The following DOCK7 variants were observed in gnomAD, a reference collection of about 807,000 sequenced individuals.
DOCK7 encodes the protein dedicator of cytokinesis 7.
DOCK7 carries 138 observed loss-of-function variants against 271.0 expected under a neutral mutation model. The ratio of observed to expected loss-of-function variants is 0.51; its 90% CI spans 0.44 to 0.59. The LOEUF (loss-of-function observed/expected upper bound fraction) is 0.59. DOCK7 is among the 20% of genes least tolerant of loss of function. DOCK7 has a pLI of 0.00. For missense variants in DOCK7, 2,066 were observed against 2,592.4 expected (o/e 0.80, Z 4.41); for synonymous variants, 823 against 876.1 (o/e 0.94, Z 1.07).
rs561979382 is a variant in DOCK7, at chr1:62,474,822, A to G, written c.6105+386T>C. On this transcript the variant is annotated intron_variant, in intron 47 of 49. Transcript: ENST00000635253. ...CTAATCTGCATATGACAAAAGAACA[A>G]TAATTTCTTGTGTCAATATATTTTT... is the stretch of plus-strand genomic sequence containing the variant. 2.6e-5 allele frequency among the ~76,000 whole-genome samples: 4 copies of G among 152,326 alleles called. No homozygotes were observed. In the East Asian group the frequency reaches 5.8e-4, roughly 22 times the overall value.
chr1:62,627,501 G>A (rs1007291553), intron 11 of DOCK7: 2 of 151,974 alleles, frequency 1.3e-5, no homozygotes, highest in East Asian at 1.9e-4. Flanking sequence ...GGAAAAAAAC[G>A]AACAATAACA....
At chr1:62,620,052 G>T in intron 12 of DOCK7, 59 bp from the exon 13 acceptor site, 1 of 1,381,080 alleles carries the variant, frequency 7.2e-7, no homozygotes, top group Non-Finnish European at 1.0e-6. Flanking sequence ...AGGCACAGTG[G>T]CTCACGCCTG....
intron 43 of DOCK7, chr1:62,486,684 C>G (rs907573948): frequency 6.6e-6 from 1 of 151,998 alleles, no homozygotes; most frequent in Non-Finnish European, 1.5e-5. Context: ...TGTCAGAATA[C>G]GAGGTCAAAT....
intron 48 of DOCK7, chr1:62,458,465 C>T (rs1645414841): frequency 1.3e-5 from 2 of 151,772 alleles, no homozygotes; most frequent in South Asian, 4.2e-4. Context: ...TGTAATCATG[C>T]TCATTTATGT....
intron 34 of DOCK7, among the ~76,000 whole-genome samples, chr1:62,508,644 T>C (rs1321474932): frequency 6.6e-6 from 1 of 152,194 alleles, no homozygotes; most frequent in Non-Finnish European, 1.5e-5. Flanking sequence ...AGCTTGCCTG[T>C]GGTAATCATT....
chr1:62,541,106 TTC>T (rs1236953573), intron 25 of DOCK7, among the ~76,000 whole-genome samples: 1 of 152,196 alleles, frequency 6.6e-6, no homozygotes, highest in African/African-American at 2.4e-5. Flanking sequence ...TTTTACATAC[TTC>T]TTTTTTGGAA....
At chr1:62,555,767 T>C (rs1450629217) in intron 21 of DOCK7, 58 bp downstream of exon 21, 2 of 1,547,596 alleles carry the variant, frequency 1.3e-6, no homozygotes, top group East Asian at 2.3e-5. Context: ...ATTATCTCAA[T>C]ACTGACATGA....
At chr1:62,634,971 G>T in intron 8 of DOCK7, 49 bp from the exon 9 acceptor site, 1 of 1,296,994 alleles carries the variant, frequency 7.7e-7, no homozygotes, top group Non-Finnish European at 1.1e-6. Flanking sequence ...ATTTTACAGT[G>T]TCTATTTCTT....
chr1:62,653,841 G>C (rs1387045305), intron 3 of DOCK7, 48 bp from the exon 4 acceptor site: 2 of 1,455,172 alleles, frequency 1.4e-6, no homozygotes, highest in African/African-American at 2.8e-5. Flanking sequence ...GGACAGCACT[G>C]ATGTTCATTA....
At chr1:62,592,011 T>C (rs1037414276) in intron 14 of DOCK7, among the ~76,000 whole-genome samples, 3 of 152,202 alleles carry the variant, frequency 2.0e-5, no homozygotes, top group Non-Finnish European at 4.4e-5. Flanking sequence ...TTAACACTTC[T>C]AGGAGTTTAG....
chr1:62,503,332 A>C (rs1337876405), intron 37 of DOCK7, among the ~76,000 whole-genome samples: 3 of 152,150 alleles, frequency 2.0e-5, no homozygotes, highest in African/African-American at 7.2e-5. Flanking sequence ...ACTCATAAAA[A>C]TGGATTATAT....
chr1:62,624,772 G>A (rs995704083), intron 12 of DOCK7, among the ~76,000 whole-genome samples: 2 of 152,050 alleles, frequency 1.3e-5, no homozygotes, highest in Non-Finnish European at 2.9e-5. Flanking sequence ...TCAGGAGTTC[G>A]AGACCAGCCT....
At chr1:62,549,570 A>T (rs1336549985) in intron 22 of DOCK7, among the ~76,000 whole-genome samples, 1 of 152,176 alleles carries the variant, frequency 6.6e-6, no homozygotes, top group Non-Finnish European at 1.5e-5. Context: ...TATTTTGATA[A>T]AGATGTATCA....
chr1:62,667,559 A>G (rs920864985), intron 1 of DOCK7, among the ~76,000 whole-genome samples: 3 of 152,212 alleles, frequency 2.0e-5, no homozygotes, highest in South Asian at 4.1e-4. Flanking sequence ...TACTAAAAAT[A>G]CAAAAATTAG....
intron 31 of DOCK7, among the ~76,000 whole-genome samples, chr1:62,518,356 G>A (rs983117731): frequency 1.2e-4 from 18 of 152,160 alleles, no homozygotes; most frequent in African/African-American, 4.1e-4. Context: ...TGGATCACGA[G>A]GTCAGGAGAT....
Position 62,513,195 on chromosome 1 carries a change from AGTTTTCTAGAGAGGACTTTCTAGAGAAC to A in DOCK7, c.4282+221_4282+248del, listed in dbSNP as rs1197531074. Among the ~76,000 whole-genome samples, 27 of 135,716 alleles carry A rather than the reference AGTTTTCTAGAGAGGACTTTCTAGAGAAC, an allele frequency of 2.0e-4. No individual in the cohort carries two copies. The South Asian group carries it at 5.3e-3, about 26-fold the overall frequency. The allele number at this position is 135,716 out of a possible 152,430, so 89.0% of individuals were successfully genotyped here. A position where few individuals can be genotyped will look rare whatever the true frequency, so the allele number is the denominator to read the frequency against. Reference sequence around the variant, plus strand: ...AATCACATAAGGACTTTCTAGAGAAAGTTTTCTAGAGAGGACTTTCTAGAGAACGTTTTCTAGAGAAGACTTTCTAGAG... The same window carrying A: ...AATCACATAAGGACTTTCTAGAGAAAGTTTTCTAGAGAAGACTTTCTAGAG... On this transcript the variant is annotated intron_variant, in intron 33 of 49. Transcript: ENST00000635253.
In DOCK7 at chr1:62,505,777, C is replaced by T. The variant is rs1238733932; in HGVS notation, c.4516G>A (p.Gly1506Arg). Reference sequence around the variant, plus strand: ...CTGTGTAGTAGCACTTTTAGCACTCCACCAAGAATGCTCTCTTTGGATTCC... The same window carrying T: ...CTGTGTAGTAGCACTTTTAGCACTCTACCAAGAATGCTCTCTTTGGATTCC... ...VTESKESILG[G>R]VLKVLLHSMA... Residue 1506 changes from glycine (G) to arginine (R), a missense_variant, in exon 36 of 50, where the codon GGA becomes AGA. Around this residue, in one of 2 missense-constraint regions of DOCK7, gnomAD observed 652 missense variants for 922.1 expected, o/e 0.71. Coordinates refer to ENST00000635253, the MANE Select transcript of DOCK7 (RefSeq NM_001367561.1). The T allele has an allele frequency of 6.2e-7, 1 of 1,613,008 alleles. No homozygotes were observed. Among genetic ancestry groups the T allele is most frequent in the South Asian group, 1.1e-5 (1 of 90,950 alleles).
chr1:62,552,837 T>G lies in DOCK7; in HGVS notation c.2661A>C (p.Ala887=). 6.2e-7 allele frequency: 1 copy of G among 1,613,962 alleles called. No individual in the cohort carries two copies. The highest frequency in any genetic ancestry group is 8.5e-7 in the Non-Finnish European group (1 of 1,179,980). The change falls in exon 22 of 50, where the codon GCA becomes GCC. Residue 887 remains alanine (A), a synonymous_variant. Transcript: ENST00000635253. ...TTCGAGAACGATTTAAATTAAGGCT[T>G]GCAGGTCTCACCGCAGATCTAGCCA... The part of the protein sequence containing the change: ...ATMARSAVRP[A]SLNLNRSRSL...
chr1:62,656,154 C>A (rs1288834672), intron 2 of DOCK7, among the ~76,000 whole-genome samples: 2 of 152,128 alleles, frequency 1.3e-5, no homozygotes, highest in Non-Finnish European at 2.9e-5. Context: ...AAAAATGAAC[C>A]CCAATCTTTG....
Sources: allele counts gnomAD v4.1 joint callset (sites outside exome capture counted in the v4.1 genomes callset), GRCh38; gene constraint gnomAD v4.1.1; regional missense constraint gnomAD v4.1.1; transcripts MANE v1.5; gene names NCBI Gene and HGNC (gene_info 2026-07-23, HGNC 2026-07-21).